Variants in APC observed in about 807,000 individuals in gnomAD.
The protein encoded by APC is adenomatous polyposis coli protein.
A neutral mutation model predicts 247.0 loss-of-function variants in APC; 72 were observed. The ratio of observed to expected loss-of-function variants is 0.29; its 90% CI spans 0.24 to 0.35. The LOEUF (loss-of-function observed/expected upper bound fraction) is 0.35, where lower values mean the gene tolerates loss of function less well. Ranked by LOEUF, APC falls within the 10% of genes least tolerant of loss-of-function variation. The pLI, the probability that APC is intolerant of heterozygous loss-of-function variation, is 1.00. For missense variants in APC, 3,400 were observed against 3,360.7 expected (o/e 1.01, Z -0.29); for synonymous variants, 1,254 against 1,162.5 (o/e 1.08, Z -1.60).
intron 1 of APC, among the ~76,000 whole-genome samples, chr5:112,753,380 A>T (rs569841969): frequency 6.6e-6 from 1 of 152,330 alleles, no homozygotes; most frequent in East Asian, 1.9e-4. Flanking sequence ...ATATTTTCAT[A>T]ATATAACTTA....
At chr5:112,767,444 T>A in intron 4 of APC, 54 bp downstream of exon 4, 1 of 1,352,146 alleles carries the variant, frequency 7.4e-7, no homozygotes, top group East Asian at 2.4e-5. Flanking sequence ...TTTATTGTTA[T>A]TTTGTAATAT....
Position 112,842,437 on chromosome 5 carries a change from A to AT in APC, c.6845dup (p.Leu2282PhefsTer16). 6.2e-7 allele frequency: 1 copy of AT among 1,614,078 alleles called. No homozygotes were observed. Among genetic ancestry groups the AT allele is most frequent in the Non-Finnish European group, 8.5e-7 (1 of 1,179,940 alleles). ...GAGCCAAGCCATCTGTGAAATCAGAATTAAGCCCTGTTGCCAGGCAGACAT... is the reference window on the plus strand; with the variant it reads ...GAGCCAAGCCATCTGTGAAATCAGAATTTAAGCCCTGTTGCCAGGCAGACAT... On this transcript the variant is annotated frameshift_variant, in exon 16 of 16. Coordinates refer to ENST00000257430, the MANE Select transcript of APC (RefSeq NM_000038.6). LOFTEE classifies it high-confidence loss of function.
intron 8 of APC, among the ~76,000 whole-genome samples, chr5:112,814,265 T>G (rs2149757325): frequency 6.6e-6 from 1 of 152,332 alleles, no homozygotes; most frequent in Non-Finnish European, 1.5e-5. Context: ...AGGTCCCAGT[T>G]ATTTATCTGC....
intron 7 of APC, among the ~76,000 whole-genome samples, chr5:112,793,082 A>G: frequency 6.6e-6 from 1 of 152,050 alleles, no homozygotes; most frequent in Middle Eastern, 3.2e-3. Flanking sequence ...GTGTGAGAGT[A>G]AAAAAGGGTT....
chr5:112,737,779 A>G (rs946856488), upstream of APC: 6 of 933,656 alleles, frequency 6.4e-6, no homozygotes, highest in Admixed American at 6.2e-5. Context: ...AATCCGCTGG[A>G]TGCGGACCAG....
At position 112,726,323 on chromosome 5, in the gene APC, C is replaced by T. The variant is rs148481770; in HGVS notation, c.165+18441C>T. 1.3e-3 allele frequency among the ~76,000 whole-genome samples: 191 copies of T among 152,264 alleles called. 3 individuals carry two copies. The East Asian group carries it at 0.03, about 24-fold the overall frequency. On this transcript the variant is annotated intron_variant, in intron 1 of 13. Transcript: ENST00000507379. ...GTTTTATCGAGTTGTGGAGGTGGCTCTCAGTGAGATGGATGGGGAGCTGGA... is the reference window on the plus strand; with the variant it reads ...GTTTTATCGAGTTGTGGAGGTGGCTTTCAGTGAGATGGATGGGGAGCTGGA...
intron 1 of APC, among the ~76,000 whole-genome samples, chr5:112,726,191 C>T (rs1353348505): frequency 1.3e-5 from 2 of 152,238 alleles, no homozygotes; most frequent in African/African-American, 4.8e-5. Context: ...TTTAGCCTTG[C>T]AGACGACTTA....
chr5:112,759,607 C>T (rs904650445), intron 2 of APC, among the ~76,000 whole-genome samples: 4 of 152,090 alleles, frequency 2.6e-5, no homozygotes, highest in South Asian at 2.1e-4. Flanking sequence ...CCTCCTGCCT[C>T]GGCCTCCAAA....
chr5:112,720,671 C>G (rs1250109862), intron 1 of APC, among the ~76,000 whole-genome samples: 1 of 152,156 alleles, frequency 6.6e-6, no homozygotes, highest in African/African-American at 2.4e-5. Flanking sequence ...AGGTCTGTTA[C>G]AGATTTGAGG....
At chr5:112,771,887 T>G (rs1041497407) in intron 4 of APC, among the ~76,000 whole-genome samples, 22 of 152,182 alleles carry the variant, frequency 1.4e-4, no homozygotes, top group African/African-American at 5.1e-4. Context: ...AAGCCAGGAC[T>G]TAAACCCAGC....
intron 4 of APC, among the ~76,000 whole-genome samples, chr5:112,770,299 G>T (rs778801029): frequency 1.0e-3 from 152 of 152,060 alleles, no homozygotes; most frequent in Non-Finnish European, 3.4e-4. Flanking sequence ...TCTGTTCAAA[G>T]ACTTAAATGC....
rs1580604055 is a variant in APC at position 112,835,056 on chromosome 5, G to T, written c.1849G>T (p.Val617Phe). ...TGTAGATGGTGCACTTGCATTTTTGGTTGGCACTCTTACTTACCGGAGCCA... is the reference window on the plus strand; with the variant it reads ...TGTAGATGGTGCACTTGCATTTTTGTTTGGCACTCTTACTTACCGGAGCCA... ...CAVDGALAFL[V>F]GTLTYRSQTN... The change falls in exon 15 of 16, where the codon GTT becomes TTT. Residue 617 changes from valine (V) to phenylalanine (F), a missense_variant. Val to Phe is a conservative substitution (Grantham distance 50). Transcript: ENST00000257430. 6.2e-7 allele frequency: 1 copy of T among 1,614,100 alleles called. No individual in the cohort carries two copies. Among genetic ancestry groups the T allele is most frequent in the Non-Finnish European group, 8.5e-7 (1 of 1,179,998 alleles).
At position 112,767,787 on chromosome 5, in the gene APC, C is replaced by T. The variant is rs545267098; in HGVS notation, c.422+397C>T. ...CTGAAACTATAGACGCCTACCACCACGCCTGGCTAATTTTTGTATTTTTGG... is the reference window on the plus strand; with the variant it reads ...CTGAAACTATAGACGCCTACCACCATGCCTGGCTAATTTTTGTATTTTTGG... On this transcript the variant is annotated intron_variant, in intron 4 of 15. Coordinates refer to ENST00000257430, the MANE Select transcript of APC (RefSeq NM_000038.6). Among the ~76,000 whole-genome samples, 30 of 152,096 alleles carry T rather than the reference C, an allele frequency of 2.0e-4. No homozygotes were observed. The South Asian group carries it at 4.8e-3, about 24-fold the overall frequency.
chr5:112,783,879 C>A, intron 6 of APC: 1 of 293,342 alleles, frequency 3.4e-6, no homozygotes, highest in South Asian at 3.0e-5. Flanking sequence ...AAATTAAGTT[C>A]AAGTGTCTAA....
chr5:112,806,591 T>TATTGATTG (rs1483116882), intron 8 of APC, among the ~76,000 whole-genome samples: 2 of 145,128 alleles, frequency 1.4e-5, no homozygotes, highest in Admixed American at 6.9e-5. Flanking sequence ...TTTATTTATT[T>TATTGATTG]ATTGAGATAG....
At chr5:112,723,759 A>G (rs1751612985) in intron 1 of APC, among the ~76,000 whole-genome samples, 1 of 152,202 alleles carries the variant, frequency 6.6e-6, no homozygotes, top group South Asian at 2.1e-4. Flanking sequence ...AATGAATTCA[A>G]AGTTTGAAAT....
intron 2 of APC, among the ~76,000 whole-genome samples, chr5:112,765,353 A>G (rs1391022555): frequency 6.6e-6 from 1 of 152,028 alleles, no homozygotes; most frequent in African/African-American, 2.4e-5. Flanking sequence ...GACTCAAGTG[A>G]CCTTCCTGCC....
In APC at chr5:112,843,400, A is replaced by C; in HGVS notation, c.7806A>C (p.Lys2602Asn). 1 of 1,613,376 alleles carries C rather than the reference A, an allele frequency of 6.2e-7. No homozygotes were observed. Among genetic ancestry groups the C allele is most frequent in the Non-Finnish European group, 8.5e-7 (1 of 1,179,640 alleles). ...CTATTTCAGGAACCAAACAAAGTAA[A>C]GAAAACCAAGTATCCGCAAAAGGAA... ...VNSISGTKQS[K>N]ENQVSAKGTW... Residue 2602 changes from lysine (K) to asparagine (N), a missense_variant, in exon 16 of 16, where the codon AAA becomes AAC. Lys to Asn is a moderately conservative substitution (Grantham distance 94). Coordinates refer to ENST00000257430, the MANE Select transcript of APC (RefSeq NM_000038.6). The surrounding 1 kb of genome is among the most constrained non-coding windows in gnomAD (Gnocchi z 4.8).
At chr5:112,738,038 C>A in intron 1 of APC, 113 bp downstream of exon 1, 1 of 704,096 alleles carries the variant, frequency 1.4e-6, no homozygotes. Context: ...TCCACTGCAG[C>A]ATGCCAAACG....
Sources: allele counts gnomAD v4.1 joint callset (sites outside exome capture counted in the v4.1 genomes callset), GRCh38; gene constraint gnomAD v4.1.1; non-coding constraint Gnocchi (gnomAD v3.1); transcripts MANE v1.5; gene names NCBI Gene and HGNC (gene_info 2026-07-23, HGNC 2026-07-21).